ELFN2: variants seen among roughly 807,000 people sequenced by gnomAD.
ELFN2 encodes the protein extracellular leucine rich repeat and fibronectin type III domain containing 2.
A neutral mutation model predicts 45.5 loss-of-function variants in ELFN2; 17 were observed. The ratio of observed to expected loss-of-function variants is 0.37; its 90% CI spans 0.26 to 0.56. The LOEUF is 0.56. Ranked by LOEUF, ELFN2 falls within the 20% of genes least tolerant of loss-of-function variation. ELFN2 has a pLI of 0.77. For missense variants in ELFN2, 922 were observed against 1,183.2 expected (o/e 0.78, Z 3.24); for synonymous variants, 550 against 551.5 (o/e 1.00, Z 0.04).
rs544871277 is a variant in ELFN2, at chr22:37,351,452, G to A, written n.149-8749C>T. ...TCCCTCACCTCTCCTCGAGTGACAGGTGCTGGGTGCTGGCATTGACTCCTC... is the reference window on the plus strand; with the variant it reads ...TCCCTCACCTCTCCTCGAGTGACAGATGCTGGGTGCTGGCATTGACTCCTC... On this transcript the variant is annotated intron_variant and non_coding_transcript_variant, in intron 1 of 2. Coordinates refer to ENST00000452946, the Ensembl canonical transcript of ELFN2. Among the ~76,000 whole-genome samples the A allele has an allele frequency of 2.7e-5, 4 of 150,116 alleles. No individual in the cohort carries two copies. The South Asian group carries it at 6.3e-4, about 24-fold the overall frequency.
Position 37,373,495 on chromosome 22 carries a change from C to A in ELFN2, c.2040G>T (p.Val680=), listed in dbSNP as rs1457346215. The change falls in exon 3 of 3, where the codon GTG becomes GTT. Residue 680 remains valine, a synonymous_variant. Coordinates refer to ENST00000402918, the MANE Select transcript of ELFN2 (RefSeq NM_052906.5). ...CGCTGCCCCCGCCGCTGCCCGCCGG[C>A]ACCAGCGGGAGCCGGTCCAGCGGGC... is the stretch of plus-strand genomic sequence containing the variant. ...LNSPLDRLPL[V]PAGSGGGSGG... 1 of 1,550,198 alleles carries A rather than the reference C, an allele frequency of 6.5e-7. No homozygotes were observed. The highest frequency in any genetic ancestry group is 2.4e-5 in the East Asian group (1 of 41,678).
At chr22:37,418,476 T>C (rs1043257523) in intron 1 of ELFN2, among the ~76,000 whole-genome samples, 5 of 151,290 alleles carry the variant, frequency 3.3e-5, no homozygotes, top group African/African-American at 1.2e-4. Context: ...TGTCCCACAC[T>C]CCCTACTGGG....
chr22:37,349,064 C>A (rs1930762504), intron 1 of ELFN2, among the ~76,000 whole-genome samples: 1 of 151,282 alleles, frequency 6.6e-6, no homozygotes, highest in South Asian at 2.1e-4. Flanking sequence ...ATCTCTTCTG[C>A]ATGCCACGCG....
chr22:37,393,292 G>A (rs1344220530), intron 2 of ELFN2, among the ~76,000 whole-genome samples: 1 of 152,234 alleles, frequency 6.6e-6, no homozygotes, highest in East Asian at 1.9e-4. Context: ...AATGGAAGCC[G>A]ATCCTCTCTG....
At chr22:37,395,323 C>T (rs1486165761) in intron 2 of ELFN2, among the ~76,000 whole-genome samples, 1 of 152,042 alleles carries the variant, frequency 6.6e-6, no homozygotes, top group Non-Finnish European at 1.5e-5. Context: ...CAATCGAGTG[C>T]CGACCACACG....
rs767297050 is a variant in ELFN2 at position 37,355,276 on chromosome 22, T to G, written n.149-12573A>C. ...GCCTGGCAGGGAGCAGGGTGAGCAC[T>G]GGCCGTTTGCCTGTTCTGCTCTTCC... On this transcript the variant is annotated intron_variant and non_coding_transcript_variant, in intron 1 of 2. Transcript: ENST00000452946. 3.3e-5 allele frequency among the ~76,000 whole-genome samples: 5 copies of G among 152,342 alleles called. 1 individual carries two copies. The highest frequency in any genetic ancestry group is 3.3e-4 in the Admixed American group (5 of 15,300).
chr22:37,403,093 T>A (rs1932405959), intron 2 of ELFN2, among the ~76,000 whole-genome samples: 2 of 151,868 alleles, frequency 1.3e-5, no homozygotes, highest in South Asian at 4.2e-4. Context: ...AGCTACATCT[T>A]CCCCAACAAC....
chr22:37,413,215 T>C (rs1435892970), intron 2 of ELFN2, among the ~76,000 whole-genome samples: 3 of 151,714 alleles, frequency 2.0e-5, no homozygotes, highest in Non-Finnish European at 4.4e-5. Context: ...CTGGCAGAAA[T>C]GGGGGTGAGA....
At chr22:37,420,497 ACT>A in intron 1 of ELFN2, 1 of 153,148 alleles carries the variant, frequency 6.5e-6, no homozygotes, top group Admixed American at 6.5e-5. Context: ...ACAGCCGCAA[ACT>A]CAGCTCCACC....
chr22:37,392,945 A>G (rs1001077564), intron 2 of ELFN2, among the ~76,000 whole-genome samples: 3 of 152,206 alleles, frequency 2.0e-5, no homozygotes, highest in Non-Finnish European at 4.4e-5. Flanking sequence ...TTAACTTCTC[A>G]ATTAATACAG....
chr22:37,388,092 C>T (rs1237292358), intron 2 of ELFN2, among the ~76,000 whole-genome samples: 3 of 152,016 alleles, frequency 2.0e-5, no homozygotes, highest in Non-Finnish European at 2.9e-5. Context: ...TCCAACCCTA[C>T]CTCCCCACTC....
chr22:37,396,619 A>T (rs1006068185), intron 2 of ELFN2, among the ~76,000 whole-genome samples: 1 of 152,114 alleles, frequency 6.6e-6, no homozygotes. Context: ...CTTGAGCCCT[A>T]CGGCCTCCCA....
At chr22:37,346,425 C>T (rs1295269461) in intron 1 of ELFN2, among the ~76,000 whole-genome samples, 3 of 151,050 alleles carry the variant, frequency 2.0e-5, no homozygotes, top group Non-Finnish European at 4.4e-5. Flanking sequence ...CCCTGGGTGG[C>T]CCTGGCAGCT....
chr22:37,417,253 A>G lies in ELFN2; in HGVS notation c.-463+516T>C, dbSNP rs947571161. 3.3e-5 allele frequency among the ~76,000 whole-genome samples: 5 copies of G among 152,090 alleles called. No individual in the cohort carries two copies. The highest frequency in any genetic ancestry group is 9.7e-5 in the African/African-American group (4 of 41,404). On this transcript the variant is annotated intron_variant, in intron 2 of 2. Transcript: ENST00000402918. This position sits in a 1 kb window ranked among gnomAD's most constrained non-coding sequence, Gnocchi z 4.5. ...GCTCTCCCTGTGCCTCCAAAATTCAATGACATAGGATCAGGCCCCATATCA... is the reference window on the plus strand; with the variant it reads ...GCTCTCCCTGTGCCTCCAAAATTCAGTGACATAGGATCAGGCCCCATATCA...
chr22:37,364,266 G>A (rs912022320), downstream of ELFN2, among the ~76,000 whole-genome samples: 6 of 152,226 alleles, frequency 3.9e-5, no homozygotes, highest in African/African-American at 1.4e-4. Context: ...GGCCAGGGTG[G>A]TGGCGGCAGC....
chr22:37,408,198 C>T (rs937046052), intron 2 of ELFN2, among the ~76,000 whole-genome samples: 5 of 152,182 alleles, frequency 3.3e-5, no homozygotes, highest in Non-Finnish European at 7.3e-5. Context: ...GTCCTGGGCC[C>T]GGCTGCACAA....
intron 2 of ELFN2, among the ~76,000 whole-genome samples, chr22:37,379,159 C>A (rs1334481225): frequency 6.6e-6 from 1 of 152,196 alleles, no homozygotes; most frequent in Non-Finnish European, 1.5e-5. Context: ...AAGGAGAAAG[C>A]GCGTCTGAGA....
intron 2 of ELFN2, among the ~76,000 whole-genome samples, chr22:37,416,858 C>T (rs1461379380): frequency 6.6e-6 from 1 of 152,198 alleles, no homozygotes; most frequent in Non-Finnish European, 1.5e-5. Context: ...CTACCCCTTT[C>T]CTGGGGACCT....
chr22:37,355,397 C>A (rs989767569), intron 1 of ELFN2, among the ~76,000 whole-genome samples: 1 of 152,236 alleles, frequency 6.6e-6, no homozygotes, highest in Non-Finnish European at 1.5e-5. Context: ...TTGGCTGAGA[C>A]TGGTCACAGC....
Sources: gnomAD v4.1 joint callset for allele counts (sites outside exome capture counted in the v4.1 genomes callset) on GRCh38, gnomAD v4.1.1 for gene constraint, Gnocchi (gnomAD v3.1) non-coding constraint, MANE v1.5 for transcripts, NCBI Gene and HGNC (gene_info 2026-07-23, HGNC 2026-07-21) for gene names.